Variants in ZNF804B observed in about 807,000 individuals in gnomAD.
ZNF804B encodes the protein zinc finger protein 804B.
ZNF804B carries 80 observed loss-of-function variants against 101.4 expected under a neutral mutation model. The observed-to-expected ratio is 0.79, with a 90% CI of 0.66 to 0.95. ZNF804B has a LOEUF of 0.95. Among genes scored for constraint, ZNF804B ranks in the 40% least tolerant of loss-of-function variants. The pLI, the probability that ZNF804B is intolerant of heterozygous loss-of-function variation, is 0.00. For missense variants in ZNF804B, 1,673 were observed against 1,561.9 expected (o/e 1.07, Z -1.20); for synonymous variants, 622 against 558.8 (o/e 1.11, Z -1.59).
intron 1 of ZNF804B, among the ~76,000 whole-genome samples, chr7:88,956,538 AAAAT>A (rs1793312145): frequency 6.6e-6 from 1 of 151,354 alleles, no homozygotes; most frequent in Admixed American, 6.6e-5. Context: ...TTTATATTTA[AAAAT>A]AAATAAAATT....
intron 1 of ZNF804B, among the ~76,000 whole-genome samples, chr7:88,978,023 T>C (rs1408616049): frequency 1.3e-5 from 2 of 151,844 alleles, no homozygotes; most frequent in Non-Finnish European, 2.9e-5. Flanking sequence ...TTAATTTTCA[T>C]GTGTTTGTGT....
At chr7:88,863,788 A>G (rs1265537410) in intron 1 of ZNF804B, among the ~76,000 whole-genome samples, 1 of 152,202 alleles carries the variant, frequency 6.6e-6, no homozygotes, top group Non-Finnish European at 1.5e-5. Flanking sequence ...GGAAAGGGAA[A>G]GGCCAGTGAA....
intron 2 of ZNF804B, among the ~76,000 whole-genome samples, chr7:89,247,793 A>G (rs972038007): frequency 6.6e-6 from 1 of 152,162 alleles, no homozygotes; most frequent in African/African-American, 2.4e-5. Context: ...AATTCAAAGC[A>G]TGGATTACAA....
intron 1 of ZNF804B, among the ~76,000 whole-genome samples, chr7:88,921,597 T>C (rs538392827): frequency 1.1e-3 from 164 of 152,264 alleles, no homozygotes; most frequent in African/African-American, 3.8e-3. Flanking sequence ...ATGGACCACC[T>C]AATAAAACAT....
At chr7:89,069,680 G>A (rs1253290567) in intron 1 of ZNF804B, among the ~76,000 whole-genome samples, 2 of 151,908 alleles carry the variant, frequency 1.3e-5, no homozygotes, top group Non-Finnish European at 2.9e-5. Context: ...TATACAGTAT[G>A]GTCTATATTT....
chr7:88,858,032 A>G (rs1791597549), intron 1 of ZNF804B, among the ~76,000 whole-genome samples: 1 of 151,972 alleles, frequency 6.6e-6, no homozygotes, highest in Admixed American at 6.5e-5. Flanking sequence ...CATGTTGGCT[A>G]TGCTGGTCTC....
At chr7:89,218,101 T>G (rs982929545) in intron 1 of ZNF804B, 54 bp from the exon 2 acceptor site, 2 of 1,540,690 alleles carry the variant, frequency 1.3e-6, no homozygotes, top group Non-Finnish European at 1.8e-6. Context: ...ATACGAGATC[T>G]GGTTATGCTA....
chr7:89,297,426 T>G (rs1360859936), intron 2 of ZNF804B, among the ~76,000 whole-genome samples: 2 of 152,074 alleles, frequency 1.3e-5, no homozygotes, highest in Non-Finnish European at 2.9e-5. Context: ...AAGCATTCAT[T>G]TTAGTCATAC....
intron 2 of ZNF804B, among the ~76,000 whole-genome samples, chr7:89,323,916 A>G (rs943556074): frequency 6.6e-6 from 1 of 152,120 alleles, no homozygotes; most frequent in African/African-American, 2.4e-5. Context: ...CAATCATTGT[A>G]TGTGCCATGG....
At chr7:89,197,566 A>T (rs1368620162) in intron 1 of ZNF804B, among the ~76,000 whole-genome samples, 1 of 151,808 alleles carries the variant, frequency 6.6e-6, no homozygotes, top group Admixed American at 6.6e-5. Context: ...TTTTCATATT[A>T]TCTACTTTTT....
chr7:89,171,515 A>G (rs1791237249), intron 1 of ZNF804B, among the ~76,000 whole-genome samples: 1 of 151,126 alleles, frequency 6.6e-6, no homozygotes, highest in African/African-American at 2.4e-5. Context: ...GCTCACTGCA[A>G]TCTCTGCCTC....
intron 1 of ZNF804B, among the ~76,000 whole-genome samples, chr7:88,983,278 T>A (rs945082416): frequency 6.6e-5 from 10 of 152,086 alleles, no homozygotes; most frequent in African/African-American, 2.4e-4. Context: ...CCATTAAAAT[T>A]TGAGAAGTTT....
chr7:89,088,677 T>G (rs2116322437), intron 1 of ZNF804B, among the ~76,000 whole-genome samples: 1 of 144,790 alleles, frequency 6.9e-6, no homozygotes, highest in Middle Eastern at 3.4e-3. Flanking sequence ...GTTGCTCTTG[T>G]TTGGGAGCAA....
intron 1 of ZNF804B, among the ~76,000 whole-genome samples, chr7:89,150,412 T>C (rs1790855661): frequency 6.6e-6 from 1 of 152,100 alleles, no homozygotes; most frequent in Non-Finnish European, 1.5e-5. Flanking sequence ...TTTCAGATTC[T>C]AGTGAGTGCA....
At chr7:89,282,821 C>G (rs934955867) in intron 2 of ZNF804B, among the ~76,000 whole-genome samples, 2 of 152,136 alleles carry the variant, frequency 1.3e-5, no homozygotes, top group African/African-American at 4.8e-5. Context: ...CAGCAGCCAC[C>G]AGAACCTCTA....
chr7:89,019,008 T>A (rs1198138425), intron 1 of ZNF804B, among the ~76,000 whole-genome samples: 1 of 152,062 alleles, frequency 6.6e-6, no homozygotes. Flanking sequence ...AGCCTTCTCA[T>A]TTCATTCTAC....
chr7:88,930,672 G>A (rs1792869815), intron 1 of ZNF804B, among the ~76,000 whole-genome samples: 3 of 151,860 alleles, frequency 2.0e-5, no homozygotes, highest in Admixed American at 2.0e-4. Context: ...AGAAAGAGAA[G>A]GAGAGTTAAT....
intron 1 of ZNF804B, among the ~76,000 whole-genome samples, chr7:89,136,328 TG>T (rs992531717): frequency 3.3e-5 from 5 of 152,066 alleles, no homozygotes; most frequent in African/African-American, 9.7e-5. Flanking sequence ...TGTATTTTTT[TG>T]GGGGGGTCTC....
chr7:89,099,331 G>A (rs551427845), intron 1 of ZNF804B, among the ~76,000 whole-genome samples: 1 of 151,824 alleles, frequency 6.6e-6, no homozygotes, highest in South Asian at 2.1e-4. Context: ...TAATAAAAGG[G>A]GAAGAAAAAA....
Sources: gnomAD v4.1 joint callset for allele counts (sites outside exome capture counted in the v4.1 genomes callset) on GRCh38, gnomAD v4.1.1 for gene constraint, MANE v1.5 for transcripts, NCBI Gene and HGNC (gene_info 2026-07-23, HGNC 2026-07-21) for gene names.